Variants in DOCK4 observed in about 807,000 individuals in gnomAD.
DOCK4 encodes dedicator of cytokinesis protein 4.
In DOCK4, 97 loss-of-function variants were observed where a neutral mutation model predicts 268.1. The observed-to-expected ratio is 0.36, with a 90% CI of 0.31 to 0.43. The LOEUF (loss-of-function observed/expected upper bound fraction) is 0.43, where lower values mean the gene tolerates loss of function less well. DOCK4 is among the 20% of genes least tolerant of loss of function. DOCK4 has a pLI of 1.00. For missense variants in DOCK4, 2,145 were observed against 2,455.7 expected, an observed-to-expected ratio of 0.87 and a Z score of 2.67; for synonymous variants, 954 against 887.2, an observed-to-expected ratio of 1.08 and a Z score of -1.34.
Position 111,822,324 on chromosome 7 carries a change from A to G in DOCK4, c.2930+38T>C, listed in dbSNP as rs1340200378. 7 of 1,542,924 alleles carry G rather than the reference A, an allele frequency of 4.5e-6. No homozygotes were observed. In the South Asian group the frequency reaches 8.0e-5, roughly 18 times the overall value. On this transcript the variant is annotated intron_variant, in intron 27 of 52. Coordinates refer to ENST00000428084, the MANE Select transcript of DOCK4 (RefSeq NM_001363540.2). ...ATTTTGTACTCCCTTCTTCCTCTATACATTGAGCTGCAATTATCATCAACT... is the reference window on the plus strand; with the variant it reads ...ATTTTGTACTCCCTTCTTCCTCTATGCATTGAGCTGCAATTATCATCAACT...
chr7:112,178,660 G>A (rs1209381092), intron 1 of DOCK4, among the ~76,000 whole-genome samples: 3 of 152,172 alleles, frequency 2.0e-5, no homozygotes, highest in African/African-American at 7.2e-5. Context: ...CAACTGTGAC[G>A]ACAAGCACAT....
intron 30 of DOCK4, among the ~76,000 whole-genome samples, chr7:111,802,556 C>A (rs57371545): frequency 1.4e-4 from 21 of 152,094 alleles, no homozygotes; most frequent in African/African-American, 5.1e-4. Context: ...CATGCCTGAG[C>A]TGGTAGATGA....
At chr7:111,926,297 G>A (rs1469507880) in intron 12 of DOCK4, among the ~76,000 whole-genome samples, 3 of 145,330 alleles carry the variant, frequency 2.1e-5, no homozygotes, top group Non-Finnish European at 3.0e-5. Context: ...GAGCATGGTG[G>A]CGCGCCGCCT....
chr7:111,856,453 T>C (rs537917125), intron 23 of DOCK4, among the ~76,000 whole-genome samples: 2 of 152,210 alleles, frequency 1.3e-5, no homozygotes, highest in African/African-American at 2.4e-5. Context: ...ATGTAGAAAC[T>C]GTTTTTCAAA....
chr7:111,734,883 G>T (rs1795361557), intron 51 of DOCK4, among the ~76,000 whole-genome samples, 171 bp downstream of exon 51: 1 of 152,186 alleles, frequency 6.6e-6, no homozygotes. Context: ...TTGACCCCGT[G>T]TAATAGAAGT....
chr7:112,193,871 T>C (rs1328022583), intron 1 of DOCK4, among the ~76,000 whole-genome samples: 1 of 152,042 alleles, frequency 6.6e-6, no homozygotes, highest in Non-Finnish European at 1.5e-5. Flanking sequence ...TAGTTCCTGG[T>C]GAGGACTCTC....
chr7:111,951,746 C>A (rs1796069318), intron 8 of DOCK4, among the ~76,000 whole-genome samples: 1 of 151,560 alleles, frequency 6.6e-6, no homozygotes, highest in African/African-American at 2.4e-5. Flanking sequence ...GCTGAGTAGT[C>A]CCAGCTACAC....
At chr7:112,009,892 C>G (rs1447616041) in intron 1 of DOCK4, among the ~76,000 whole-genome samples, 1 of 152,244 alleles carries the variant, frequency 6.6e-6, no homozygotes, top group Non-Finnish European at 1.5e-5. Context: ...ACTCAGCTCA[C>G]TGAAACCTCC....
intron 16 of DOCK4, among the ~76,000 whole-genome samples, chr7:111,895,016 C>T (rs1808623881): frequency 6.6e-6 from 1 of 152,202 alleles, no homozygotes; most frequent in Non-Finnish European, 1.5e-5. Flanking sequence ...TGCCTGTGCA[C>T]TTAAAAATAC....
chr7:112,021,102 G>A (rs952392680), intron 1 of DOCK4, among the ~76,000 whole-genome samples: 6 of 152,170 alleles, frequency 3.9e-5, no homozygotes, highest in Non-Finnish European at 8.8e-5. Flanking sequence ...GACAAAAGCT[G>A]ACGCCCAAAG....
intron 40 of DOCK4, among the ~76,000 whole-genome samples, chr7:111,759,112 G>T (rs1797225048): frequency 6.6e-6 from 1 of 151,974 alleles, no homozygotes; most frequent in African/African-American, 2.4e-5. Flanking sequence ...GAATGGTTTG[G>T]GCCTTAGATA....
chr7:111,946,183 C>T (rs911539863), intron 8 of DOCK4, among the ~76,000 whole-genome samples: 5 of 152,176 alleles, frequency 3.3e-5, no homozygotes, highest in African/African-American at 1.2e-4. Flanking sequence ...TGTCACATTA[C>T]TTAATTAACA....
intron 1 of DOCK4, among the ~76,000 whole-genome samples, chr7:112,097,256 C>A (rs1343688704): frequency 6.6e-6 from 1 of 152,154 alleles, no homozygotes; most frequent in East Asian, 1.9e-4. Flanking sequence ...AAGTTTAAAA[C>A]TTTCTAGGAG....
chr7:111,807,808 A>G (rs1800794439), intron 30 of DOCK4: 1 of 151,478 alleles, frequency 6.6e-6, no homozygotes, highest in Non-Finnish European at 1.5e-5. Flanking sequence ...ATTTTTTCTG[A>G]AATCACCAGC....
intron 13 of DOCK4, among the ~76,000 whole-genome samples, chr7:111,905,859 AATG>A (rs1791526368): frequency 1.3e-5 from 2 of 152,176 alleles, no homozygotes; most frequent in Admixed American, 6.5e-5. Flanking sequence ...TGATGTTGTT[AATG>A]ATGATGGCAG....
At chr7:112,144,897 T>A (rs1295890434) in intron 1 of DOCK4, among the ~76,000 whole-genome samples, 2 of 152,116 alleles carry the variant, frequency 1.3e-5, no homozygotes, top group Non-Finnish European at 1.5e-5. Flanking sequence ...AGGAATCTCA[T>A]CCCAGAATAT....
At chr7:111,819,128 C>A (rs1801786753) in intron 27 of DOCK4, among the ~76,000 whole-genome samples, 1 of 152,062 alleles carries the variant, frequency 6.6e-6, no homozygotes, top group Non-Finnish European at 1.5e-5. Context: ...ATGTTTGAGG[C>A]CAACATGCAC....
At chr7:111,987,573 C>G (rs759404834) in intron 6 of DOCK4, among the ~76,000 whole-genome samples, 14 of 152,224 alleles carry the variant, frequency 9.2e-5, no homozygotes, top group Admixed American at 2.6e-4. Flanking sequence ...GAGATAATCT[C>G]CTGTGAAATT....
intron 12 of DOCK4, among the ~76,000 whole-genome samples, chr7:111,931,631 G>A (rs529691913): frequency 3.3e-5 from 5 of 152,156 alleles, no homozygotes; most frequent in Admixed American, 6.5e-5. Context: ...AGAAGGGGTC[G>A]GTTCAATGAT....
Sources: gnomAD v4.1 joint callset for allele counts (sites outside exome capture counted in the v4.1 genomes callset) on GRCh38, gnomAD v4.1.1 for gene constraint, MANE v1.5 for transcripts, NCBI Gene and HGNC (gene_info 2026-07-23, HGNC 2026-07-21) for gene names.